SERGEF: variants seen among roughly 807,000 people sequenced by gnomAD.
SERGEF encodes secretion-regulating guanine nucleotide exchange factor.
In SERGEF, 51 loss-of-function variants were observed where a neutral mutation model predicts 50.0. The observed-to-expected ratio is 1.02, with a 90% CI of 0.81 to 1.29. The LOEUF is 1.29. Ranked by LOEUF, SERGEF falls within the 50% of genes most tolerant of loss-of-function variation. The pLI, the probability that SERGEF is intolerant of heterozygous loss-of-function variation, is 0.00. For synonymous variants in SERGEF, 205 were observed against 212.4 expected (o/e 0.97, Z 0.30); for missense variants, 521 against 557.0 (o/e 0.94, Z 0.65).
chr11:17,804,463 C>T (rs1016396459), intron 10 of SERGEF, among the ~76,000 whole-genome samples: 1 of 152,220 alleles, frequency 6.6e-6, no homozygotes, highest in African/African-American at 2.4e-5. Context: ...AGAGGCTTCC[C>T]TAGAAGAGAA....
intron 9 of SERGEF, among the ~76,000 whole-genome samples, chr11:17,893,024 G>A (rs1178157794): frequency 2.6e-5 from 4 of 152,166 alleles, no homozygotes; most frequent in Admixed American, 1.3e-4. Context: ...TGATGTTGAC[G>A]TTTTGTCAAG....
At chr11:17,962,092 T>G (rs1853013849) in intron 8 of SERGEF, among the ~76,000 whole-genome samples, 1 of 152,220 alleles carries the variant, frequency 6.6e-6, no homozygotes, top group Admixed American at 6.5e-5. Flanking sequence ...GTCTTCTGAC[T>G]CCAGGGCCAG....
intron 9 of SERGEF, among the ~76,000 whole-genome samples, chr11:17,891,534 T>C (rs1388773819): frequency 6.6e-6 from 1 of 152,168 alleles, no homozygotes; most frequent in African/African-American, 2.4e-5. Context: ...CATGTAGAAA[T>C]TGTCATATAA....
chr11:17,980,393 G>A (rs7927135), intron 8 of SERGEF, among the ~76,000 whole-genome samples: 48,551 of 152,068 alleles, frequency 0.32, 9,262 homozygotes, highest in East Asian at 0.5. Flanking sequence ...ACTTGTCAAG[G>A]ACATATATAC....
At chr11:17,845,367 G>GT (rs1216028265) in intron 10 of SERGEF, among the ~76,000 whole-genome samples, 1 of 152,190 alleles carries the variant, frequency 6.6e-6, no homozygotes, top group South Asian at 2.1e-4. Flanking sequence ...GGTTAGAGGC[G>GT]TAAGTAGAAG....
intron 10 of SERGEF, among the ~76,000 whole-genome samples, chr11:17,819,645 T>C (rs932818817): frequency 6.6e-6 from 1 of 152,204 alleles, no homozygotes; most frequent in African/African-American, 2.4e-5. Flanking sequence ...TGCTCACTCA[T>C]GGCAATGCTC....
At chr11:17,901,373 G>C (rs1452535765) in intron 9 of SERGEF, among the ~76,000 whole-genome samples, 1 of 152,132 alleles carries the variant, frequency 6.6e-6, no homozygotes, top group African/African-American at 2.4e-5. Context: ...CAACTCCTCT[G>C]CTCAAAACCT....
Position 17,982,011 on chromosome 11 carries a change from C to T in SERGEF, c.844+6586G>A, listed in dbSNP as rs547811799. The stretch of plus-strand genomic sequence containing the variant: ...GTAGAGACAGAGTTTTGCCATACTG[C>T]CCAGGCTGATCTCAAACTCCTGGGC... On this transcript the variant is annotated intron_variant, in intron 8 of 10. Coordinates refer to ENST00000265965, the MANE Select transcript of SERGEF (RefSeq NM_012139.4). Among the ~76,000 whole-genome samples, 13 of 152,230 alleles carry T rather than the reference C, an allele frequency of 8.5e-5. 1 individual carries two copies. The South Asian group carries it at 2.7e-3, about 32-fold the overall frequency.
intron 9 of SERGEF, chr11:17,926,742 C>T (rs1449165292): frequency 6.6e-6 from 3 of 456,080 alleles, no homozygotes; most frequent in Non-Finnish European, 1.3e-5. Flanking sequence ...TCCTACCTTG[C>T]TATTACTCCA....
At chr11:17,883,196 G>T (rs1202292377) in intron 9 of SERGEF, among the ~76,000 whole-genome samples, 2 of 152,226 alleles carry the variant, frequency 1.3e-5, no homozygotes, top group African/African-American at 4.8e-5. Flanking sequence ...TGCAAGGCCA[G>T]TTAAAACTCT....
intron 1 of SERGEF, chr11:18,012,480 G>T: frequency 9.3e-7 from 1 of 1,074,932 alleles, no homozygotes. Context: ...CCTTGTGCGC[G>T]GCCAAACACC....
chr11:17,882,029 T>C (rs1851340197), intron 9 of SERGEF, among the ~76,000 whole-genome samples: 2 of 152,210 alleles, frequency 1.3e-5, no homozygotes, highest in African/African-American at 4.8e-5. Context: ...ACATTACTTT[T>C]CTCTAAGAAC....
chr11:17,846,897 G>A (rs1275932220), intron 10 of SERGEF: 1 of 381,086 alleles, frequency 2.6e-6, no homozygotes, highest in Non-Finnish European at 5.2e-6. Flanking sequence ...GAAGACTAGG[G>A]CCCAAGACCT....
intron 2 of SERGEF, among the ~76,000 whole-genome samples, chr11:18,007,642 C>T (rs954072909): frequency 9.2e-5 from 14 of 151,972 alleles, no homozygotes; most frequent in Non-Finnish European, 1.9e-4. Context: ...GTAAAATATA[C>T]ATTGTAACTC....
At chr11:17,985,270 G>A (rs1853570772) in intron 8 of SERGEF, among the ~76,000 whole-genome samples, 1 of 152,172 alleles carries the variant, frequency 6.6e-6, no homozygotes, top group Non-Finnish European at 1.5e-5. Flanking sequence ...CAATAGTTGG[G>A]ATCTTTCACA....
chr11:17,891,996 T>C (rs1051615787), intron 9 of SERGEF, among the ~76,000 whole-genome samples: 1 of 152,178 alleles, frequency 6.6e-6, no homozygotes, highest in African/African-American at 2.4e-5. Flanking sequence ...ATAGATAAAT[T>C]CTGGAGTAGG....
intron 9 of SERGEF, among the ~76,000 whole-genome samples, chr11:17,885,704 T>A (rs1464161520): frequency 6.6e-6 from 1 of 152,016 alleles, no homozygotes; most frequent in East Asian, 1.9e-4. Flanking sequence ...ATTTTACCAC[T>A]CCTTTCCTAA....
intron 10 of SERGEF, among the ~76,000 whole-genome samples, chr11:17,867,973 CG>C: frequency 6.6e-6 from 1 of 152,268 alleles, no homozygotes; most frequent in South Asian, 2.1e-4. Context: ...CCCAGAAAAC[CG>C]TCTTTTCCTT....
intron 10 of SERGEF, among the ~76,000 whole-genome samples, chr11:17,864,513 A>C (rs1850986554): frequency 1.3e-5 from 2 of 152,332 alleles, no homozygotes; most frequent in South Asian, 2.1e-4. Context: ...TTCTGTAAAA[A>C]AAACACTCTG....
Sources: allele counts gnomAD v4.1 joint callset (sites outside exome capture counted in the v4.1 genomes callset), GRCh38; gene constraint gnomAD v4.1.1; transcripts MANE v1.5; gene names NCBI Gene and HGNC (gene_info 2026-07-23, HGNC 2026-07-21).